Variants in DUSP22 observed in about 807,000 individuals in gnomAD.
The protein encoded by DUSP22 is dual specificity protein phosphatase 22.
In DUSP22, 24 loss-of-function variants were observed where a neutral mutation model predicts 24.5. The observed-to-expected ratio is 0.98, with a 90% CI of 0.71 to 1.38. The LOEUF (loss-of-function observed/expected upper bound fraction) is 1.38. DUSP22 is among the 40% of genes most tolerant of loss of function. DUSP22 has a pLI of 0.00. For missense variants in DUSP22, 330 were observed against 269.2 expected (o/e 1.23, Z -1.58); for synonymous variants, 160 against 106.4 (o/e 1.50, Z -3.10).
intron 3 of DUSP22, among the ~76,000 whole-genome samples, chr6:317,982 A>T (rs778474736): frequency 6.6e-6 from 1 of 152,306 alleles, no homozygotes; most frequent in East Asian, 1.9e-4. Flanking sequence ...TATCATGAGC[A>T]ATTTGTGAAG....
chr6:309,679 A>AACACACACACACACACACACACAC (rs759885887), intron 2 of DUSP22, among the ~76,000 whole-genome samples: 2 of 138,426 alleles, frequency 1.4e-5, no homozygotes, highest in African/African-American at 2.6e-5. Context: ...ACTCATGTAG[A>AACACACACACACACACACACACAC]ACACACACAC....
chr6:339,641 T>A (rs1252643361), intron 4 of DUSP22, among the ~76,000 whole-genome samples: 1 of 152,308 alleles, frequency 6.6e-6, no homozygotes, highest in Non-Finnish European at 1.5e-5. Flanking sequence ...TTTGTGACAT[T>A]CAGTGGTTTT....
At chr6:296,673 A>C (rs1289363034) in intron 1 of DUSP22, among the ~76,000 whole-genome samples, 1 of 152,304 alleles carries the variant, frequency 6.6e-6, no homozygotes, top group African/African-American at 2.4e-5. Flanking sequence ...TCAGTACTAC[A>C]ATACCCCATT....
At chr6:302,517 G>T (rs1422670575) in intron 1 of DUSP22, among the ~76,000 whole-genome samples, 3 of 152,304 alleles carry the variant, frequency 2.0e-5, no homozygotes, top group African/African-American at 7.2e-5. Flanking sequence ...AGCCCTCTGC[G>T]ACCCCAGAGT....
intron 3 of DUSP22, among the ~76,000 whole-genome samples, chr6:326,310 T>C (rs200543812): frequency 3.1e-3 from 336 of 107,150 alleles, no homozygotes; most frequent in East Asian, 0.011. Flanking sequence ...TCTGCTGGTG[T>C]CTGGAGAGTC....
chr6:331,156 C>T (rs112097477), intron 3 of DUSP22, among the ~76,000 whole-genome samples: 2,227 of 151,650 alleles, frequency 0.015, 2 homozygotes, highest in African/African-American at 0.052. Flanking sequence ...GATTGAAGCA[C>T]CGTAACTTGA....
chr6:328,734 A>G (rs1206774437), intron 3 of DUSP22, among the ~76,000 whole-genome samples: 1 of 152,310 alleles, frequency 6.6e-6, no homozygotes, highest in African/African-American at 2.4e-5. Context: ...AAACATGAAT[A>G]ATGCAGCCTA....
At position 348,836 on chromosome 6, in the gene DUSP22, T is replaced by C; in HGVS notation, c.503T>C (p.Ile168Thr). 1 of 1,614,312 alleles carries C rather than the reference T, an allele frequency of 6.2e-7. No individual in the cohort carries two copies. The highest frequency in any genetic ancestry group is 8.5e-7 in the Non-Finnish European group (1 of 1,180,058). ...CAGGATGCAGAAGAAGCCAAAAACATTCTGGGTAAATATAAGGAGCAAGGG... is the reference window on the plus strand; with the variant it reads ...CAGGATGCAGAAGAAGCCAAAAACACTCTGGGTAAATATAAGGAGCAAGGG... ...PLQDAEEAKN[I>T]LGKYKEQGRT... is the part of the protein sequence containing the mutation. The change falls in exon 7 of 7, where the codon ATT becomes ACT. Residue 168 changes from isoleucine to threonine, a missense_variant. Ile to Thr is a moderately conservative substitution (Grantham distance 89, BLOSUM62 -1). Coordinates refer to ENST00000419235, the MANE Select transcript of DUSP22 (RefSeq NM_001286555.3).
intron 2 of DUSP22, among the ~76,000 whole-genome samples, chr6:309,353 G>A (rs1344440278): frequency 3.9e-5 from 6 of 152,300 alleles, no homozygotes; most frequent in African/African-American, 1.4e-4. Flanking sequence ...TGGGTCAAAA[G>A]ATGAGCCAGT....
intron 1 of DUSP22, among the ~76,000 whole-genome samples, chr6:299,120 G>A (rs1338295434): frequency 2.0e-5 from 3 of 152,306 alleles, no homozygotes; most frequent in Admixed American, 6.5e-5. Context: ...TCAGCATAGT[G>A]GGACATTCCC....
At chr6:318,006 T>G (rs1758412063) in intron 3 of DUSP22, among the ~76,000 whole-genome samples, 1 of 152,304 alleles carries the variant, frequency 6.6e-6, no homozygotes, top group African/African-American at 2.4e-5. Context: ...GAGGATCGGT[T>G]AGTGCAATGC....
At chr6:342,293 C>T (rs1039498435) in intron 4 of DUSP22, among the ~76,000 whole-genome samples, 1 of 152,302 alleles carries the variant, frequency 6.6e-6, no homozygotes, top group Non-Finnish European at 1.5e-5. Context: ...CTCTTTCTGA[C>T]CAGAAAGAGA....
chr6:345,978 G>C (rs1192654230), intron 5 of DUSP22, 50 bp downstream of exon 5: 12 of 1,605,178 alleles, frequency 7.5e-6, no homozygotes, highest in Non-Finnish European at 1.0e-5. Flanking sequence ...TGGTCGGCTT[G>C]GCTTCCCATC....
intron 3 of DUSP22, among the ~76,000 whole-genome samples, chr6:318,518 G>C (rs151152825): frequency 6.6e-6 from 1 of 152,262 alleles, no homozygotes; most frequent in Non-Finnish European, 1.5e-5. Flanking sequence ...GACCACAGCA[G>C]GCCTCAGCTC....
chr6:348,685 G>A, intron 6 of DUSP22, 84 bp from the exon 7 acceptor site: 1 of 1,579,458 alleles, frequency 6.3e-7, no homozygotes, highest in Middle Eastern at 1.7e-4. Context: ...CACCATCTCT[G>A]TGGTGAAGTC....
At chr6:329,458 T>C (rs1759040884) in intron 3 of DUSP22, among the ~76,000 whole-genome samples, 2 of 152,308 alleles carry the variant, frequency 1.3e-5, no homozygotes, top group Admixed American at 1.3e-4. Context: ...CGATGGTAAA[T>C]CTTTGCTTTT....
At chr6:335,261 C>T (rs1759312277) in intron 4 of DUSP22, 98 bp downstream of exon 4, 7 of 1,484,778 alleles carry the variant, frequency 4.7e-6, no homozygotes, top group African/African-American at 2.7e-5. Flanking sequence ...TGTCAGAGCT[C>T]ACGGGACCCT....
In DUSP22 at chr6:348,916, C is replaced by T. The variant is rs528424919; in HGVS notation, c.583C>T (p.Pro195Ser). The change falls in exon 7 of 7, where the codon CCG (proline) becomes TCG (serine). Residue 195 changes from proline (P) to serine (S), a missense_variant. Transcript: ENST00000419235. ...RRWSSFPALA[P>S]LTYDNYTTET is the part of the protein sequence containing the mutation. ...GTGGAGCAGTTTTCCGGCACTGGCT[C>T]CGCTGACCTACGATAATTATACGAC... 7.4e-6 allele frequency: 12 copies of T among 1,612,334 alleles called. No individual in the cohort carries two copies. The highest frequency in any genetic ancestry group is 3.4e-5 in the Admixed American group (2 of 59,664).
chr6:350,043 T>G lies in DUSP22; in HGVS notation c.*1092T>G, dbSNP rs1267414031. On this transcript the variant is annotated 3_prime_UTR_variant, in exon 7 of 7. Coordinates refer to ENST00000419235, the MANE Select transcript of DUSP22 (RefSeq NM_001286555.3). ...TTTGCATTTTAAAATGCCTGAGCATTTATTAAGCTTCTTGGTATTCACTTG... is the reference window on the plus strand; with the variant it reads ...TTTGCATTTTAAAATGCCTGAGCATGTATTAAGCTTCTTGGTATTCACTTG... The G allele has an allele frequency of 1.0e-6, 1 of 985,552 alleles. No individual in the cohort carries two copies. The highest frequency in any genetic ancestry group is 1.2e-6 in the Non-Finnish European group (1 of 830,034). The allele number at this position is 985,552 out of a possible 1,614,324, so 61.1% of individuals were successfully genotyped here. A position where few individuals can be genotyped will look rare whatever the true frequency, so the allele number is the denominator to read the frequency against.
Sources: gnomAD v4.1 joint callset for allele counts (sites outside exome capture counted in the v4.1 genomes callset) on GRCh38, gnomAD v4.1.1 for gene constraint, MANE v1.5 for transcripts, NCBI Gene and HGNC (gene_info 2026-07-23, HGNC 2026-07-21) for gene names.